The following HDAC9 variants were observed in gnomAD, a reference collection of about 807,000 sequenced individuals.
The protein encoded by HDAC9 is histone deacetylase 9, also known as MEF-2 interacting transcription repressor (MITR) protein.
Under a neutral mutation model 139.4 loss-of-function variants are expected in HDAC9, and 41 were observed. That is an observed-to-expected ratio of 0.29 (90% CI 0.23 to 0.38). HDAC9 has a LOEUF of 0.38. Among genes scored for constraint, HDAC9 ranks in the 10% least tolerant of loss-of-function variants. HDAC9 has a pLI of 1.00. For missense variants in HDAC9, 1,147 were observed against 1,297.0 expected, an observed-to-expected ratio of 0.88 and a Z score of 1.78; for synonymous variants, 517 against 476.2, an observed-to-expected ratio of 1.09 and a Z score of -1.12.
At chr7:18,744,824 T>C (rs895246621) in intron 13 of HDAC9, among the ~76,000 whole-genome samples, 3 of 152,160 alleles carry the variant, frequency 2.0e-5, no homozygotes, top group Non-Finnish European at 4.4e-5. Context: ...CTAAAAAATT[T>C]ATCAAGAAAT....
At position 18,594,070 on chromosome 7, in the gene HDAC9, C is replaced by A. The variant is rs75574163; in HGVS notation, c.664+41C>A. 13,949 of 1,607,050 alleles carry A rather than the reference C, an allele frequency of 8.7e-3. 577 individuals are homozygous for A. In the African/African-American group the frequency reaches 0.11, roughly 13 times the overall value. ...AGGAACTCTGTTTGCTCTTCTGTAA[C>A]ACACCTGTAAGTTTCATTTTGCCAC... is the stretch of plus-strand genomic sequence containing the variant. On this transcript the variant is annotated intron_variant, in intron 6 of 25. Coordinates refer to ENST00000686413, the MANE Select transcript of HDAC9 (RefSeq NM_178425.4).
intron 17 of HDAC9, among the ~76,000 whole-genome samples, chr7:18,794,343 C>T (rs1271902041): frequency 1.3e-5 from 2 of 152,048 alleles, no homozygotes; most frequent in East Asian, 1.9e-4. Flanking sequence ...ATTAGGATTA[C>T]TTTTCTTTAT....
At chr7:18,160,214 C>T (rs1039680046) in intron 1 of HDAC9, among the ~76,000 whole-genome samples, 2 of 152,196 alleles carry the variant, frequency 1.3e-5, no homozygotes, top group Non-Finnish European at 2.9e-5. Context: ...CCTTTCAGAG[C>T]TGCTTCACTT....
At chr7:18,242,739 C>T (rs1460035236) in intron 2 of HDAC9, among the ~76,000 whole-genome samples, 2 of 152,108 alleles carry the variant, frequency 1.3e-5, no homozygotes, top group African/African-American at 4.8e-5. Context: ...TATATCTCCA[C>T]TTCAGGTGCT....
chr7:18,639,765 A>C lies in HDAC9; in HGVS notation c.913-4906A>C, dbSNP rs554605429. Reference sequence around the variant, plus strand: ...GGGACTTGGGACCTTGTAAAGCCAAAGCTGATTGACACTCATAAGGATGTC... The same window carrying C: ...GGGACTTGGGACCTTGTAAAGCCAACGCTGATTGACACTCATAAGGATGTC... On this transcript the variant is annotated intron_variant, in intron 8 of 25. Coordinates refer to ENST00000686413, the MANE Select transcript of HDAC9 (RefSeq NM_178425.4). Among the ~76,000 whole-genome samples, 8 of 152,144 alleles carry C rather than the reference A, an allele frequency of 5.3e-5. No individual in the cohort carries two copies. In the South Asian group the frequency reaches 1.7e-3, roughly 32 times the overall value.
intron 1 of HDAC9, among the ~76,000 whole-genome samples, chr7:18,436,733 TA>T (rs1791236791): frequency 6.6e-6 from 1 of 152,236 alleles, no homozygotes; most frequent in Non-Finnish European, 1.5e-5. Flanking sequence ...AATTTATAGT[TA>T]AATCATCTCT....
intron 17 of HDAC9, among the ~76,000 whole-genome samples, chr7:18,815,612 G>C (rs571090044): frequency 1.3e-5 from 2 of 152,216 alleles, no homozygotes; most frequent in South Asian, 4.1e-4. Context: ...GCTGAAGGCT[G>C]TAGGCATGAT....
chr7:18,517,426 A>G (rs541624731), intron 2 of HDAC9, among the ~76,000 whole-genome samples: 2 of 152,278 alleles, frequency 1.3e-5, no homozygotes, highest in African/African-American at 4.8e-5. Flanking sequence ...TTGGGAATGA[A>G]CGAACTAAAG....
In HDAC9 at chr7:18,997,309, A is replaced by AC. The variant is rs557582790; in HGVS notation, c.*1247_*1248insC. 3.3e-4 allele frequency: 50 copies of AC among 151,908 alleles called. 1 individual carries two copies. Among genetic ancestry groups the AC allele is most frequent in the African/African-American group, 1.1e-3 (47 of 41,528 alleles). 9.4% of individuals were successfully genotyped at this position (151,908 alleles called of 1,614,324 possible). A position where few individuals can be genotyped will look rare whatever the true frequency, so the allele number is the denominator to read the frequency against. On this transcript the variant is annotated 3_prime_UTR_variant, in exon 26 of 26. Transcript: ENST00000686413. ...GCTGTGCCTTCTTGTGAAAAAAAAA[A>AC]AAAACAAAAACAAAAAACAGCCTTT...
intron 1 of HDAC9, among the ~76,000 whole-genome samples, chr7:18,094,726 G>T (rs1297727073): frequency 6.6e-6 from 1 of 152,054 alleles, no homozygotes; most frequent in African/African-American, 2.4e-5. Flanking sequence ...AAAGCACTAG[G>T]ATTACAAATG....
chr7:18,877,499 A>G (rs1326026843), intron 22 of HDAC9, among the ~76,000 whole-genome samples: 1 of 152,174 alleles, frequency 6.6e-6, no homozygotes, highest in Non-Finnish European at 1.5e-5. Context: ...TTCCAATTCT[A>G]GCAAAACTCA....
At chr7:18,423,020 T>C (rs1239912289) in intron 1 of HDAC9, among the ~76,000 whole-genome samples, 1 of 152,218 alleles carries the variant, frequency 6.6e-6, no homozygotes, top group East Asian at 1.9e-4. Context: ...AAAGTTATTT[T>C]ATAGCAGACT....
At chr7:18,287,328 A>G (rs1440621181), upstream of HDAC9, among the ~76,000 whole-genome samples, 2 of 152,182 alleles carry the variant, frequency 1.3e-5, no homozygotes, top group Non-Finnish European at 2.9e-5. Flanking sequence ...GTTGGCAGAT[A>G]CTCCAGTTTA....
chr7:18,845,463 A>G (rs1218539027), intron 21 of HDAC9, among the ~76,000 whole-genome samples: 2 of 152,208 alleles, frequency 1.3e-5, no homozygotes, highest in South Asian at 2.1e-4. Flanking sequence ...ATTGTTCCTT[A>G]TAAAATACCC....
intron 12 of HDAC9, among the ~76,000 whole-genome samples, chr7:18,685,555 A>C (rs894114920): frequency 6.6e-6 from 1 of 152,038 alleles, no homozygotes; most frequent in African/African-American, 2.4e-5. Context: ...ATATTGAATG[A>C]CCATCTTAGT....
At chr7:18,536,605 G>A (rs1210518713) in intron 2 of HDAC9, among the ~76,000 whole-genome samples, 2 of 152,142 alleles carry the variant, frequency 1.3e-5, no homozygotes, top group Non-Finnish European at 2.9e-5. Context: ...ACTTAATCTA[G>A]CTAATACATT....
At chr7:18,551,112 T>C (rs1464880383) in intron 2 of HDAC9, among the ~76,000 whole-genome samples, 1 of 152,120 alleles carries the variant, frequency 6.6e-6, no homozygotes, top group African/African-American at 2.4e-5. Flanking sequence ...TGTGAGAGAA[T>C]GGAAGGGGTA....
chr7:18,848,901 C>T (rs1562986678), intron 21 of HDAC9, among the ~76,000 whole-genome samples: 1 of 152,102 alleles, frequency 6.6e-6, no homozygotes, highest in Non-Finnish European at 1.5e-5. Context: ...TTCATGTTAA[C>T]AACTGCAGGA....
intron 2 of HDAC9, among the ~76,000 whole-genome samples, chr7:18,209,943 G>C (rs752459139): frequency 6.6e-6 from 1 of 151,866 alleles, no homozygotes; most frequent in East Asian, 1.9e-4. Context: ...CTCGTGATCC[G>C]CCCTCCTTGG....
Sources: gnomAD v4.1 joint callset for allele counts (sites outside exome capture counted in the v4.1 genomes callset) on GRCh38, gnomAD v4.1.1 for gene constraint, MANE v1.5 for transcripts, NCBI Gene and HGNC (gene_info 2026-07-23, HGNC 2026-07-21) for gene names.